Variants in VSIG10 observed in about 807,000 individuals in gnomAD.
VSIG10 encodes V-set and immunoglobulin domain-containing protein 10.
VSIG10 carries 48 observed loss-of-function variants against 58.7 expected under a neutral mutation model. That is an observed-to-expected ratio of 0.82 (90% CI 0.65 to 1.04). VSIG10 has a LOEUF of 1.04. VSIG10 is among the 50% of genes least tolerant of loss of function. The pLI is 0.00. For missense variants in VSIG10, 628 were observed against 670.0 expected (o/e 0.94, Z 0.69); for synonymous variants, 260 against 267.1 (o/e 0.97, Z 0.26).
intron 2 of VSIG10, among the ~76,000 whole-genome samples, chr12:118,085,246 A>T (rs1320348191): frequency 6.6e-6 from 1 of 152,178 alleles, no homozygotes; most frequent in Non-Finnish European, 1.5e-5. Flanking sequence ...CAGCCAGGAA[A>T]CATGGATCTT....
chr12:118,094,346 A>G (rs1411174564), intron 2 of VSIG10, among the ~76,000 whole-genome samples: 1 of 152,158 alleles, frequency 6.6e-6, no homozygotes, highest in Non-Finnish European at 1.5e-5. Context: ...ATAAAAGCTT[A>G]TTAATATGCC....
chr12:118,097,225 C>A (rs920478312), intron 1 of VSIG10, among the ~76,000 whole-genome samples: 3 of 152,168 alleles, frequency 2.0e-5, no homozygotes, highest in Non-Finnish European at 4.4e-5. Flanking sequence ...GAGGACTCAG[C>A]CATGAGCCCT....
chr12:118,086,223 GAGGCGGAGGC>G (rs1249087862), intron 2 of VSIG10, among the ~76,000 whole-genome samples: 2 of 151,968 alleles, frequency 1.3e-5, no homozygotes, highest in African/African-American at 4.8e-5. Flanking sequence ...AGCACTTTGG[GAGGCGGAGGC>G]AGGCGGATCA....
rs189082861 is a variant in VSIG10 at position 118,071,200 on chromosome 12, C to T, written c.1331-133G>A. On this transcript the variant is annotated intron_variant, in intron 6 of 8. Coordinates refer to ENST00000359236, the MANE Select transcript of VSIG10 (RefSeq NM_019086.6). ...CAATATGACAGGTGATAGGGTGTCC[C>T]GGGATGGTACTTAGGTGACTTATTA... 45 of 1,217,410 alleles carry T rather than the reference C, an allele frequency of 3.7e-5. No homozygotes were observed. The East Asian group carries it at 4.8e-4, about 13-fold the overall frequency. 75.4% of individuals were successfully genotyped at this position (1,217,410 alleles called of 1,614,324 possible).
At chr12:118,075,488 T>C (rs1449685736) in intron 4 of VSIG10, among the ~76,000 whole-genome samples, 1 of 152,142 alleles carries the variant, frequency 6.6e-6, no homozygotes, top group Non-Finnish European at 1.5e-5. Context: ...CCCAAGTAGC[T>C]GGGATTACAG....
At position 118,066,495 on chromosome 12, in the gene VSIG10, G is replaced by T; in HGVS notation, c.*144C>A. 1.3e-6 allele frequency: 1 copy of T among 781,200 alleles called. No homozygotes were observed. The highest frequency in any genetic ancestry group is 2.2e-6 in the Non-Finnish European group (1 of 446,164). 48.4% of individuals were successfully genotyped at this position (781,200 alleles called of 1,614,324 possible). A position where few individuals can be genotyped will look rare whatever the true frequency, so the allele number is the denominator to read the frequency against. ...CATGGAAGGAAAGATGTGTGTGCTTGGTTTTGTTTTTTGCTGAGACCCAAA... is the reference window on the plus strand; with the variant it reads ...CATGGAAGGAAAGATGTGTGTGCTTTGTTTTGTTTTTTGCTGAGACCCAAA... On this transcript the variant is annotated 3_prime_UTR_variant, in exon 9 of 9. Transcript: ENST00000359236.
At chr12:118,079,733 T>G in intron 3 of VSIG10, 127 bp from the exon 4 acceptor site, 1 of 1,296,278 alleles carries the variant, frequency 7.7e-7, no homozygotes, top group East Asian at 2.3e-5. Context: ...TAGCATCTAA[T>G]AGCTCCTAGC....
At chr12:118,094,737 A>T (rs918554001) in intron 2 of VSIG10, among the ~76,000 whole-genome samples, 12 of 132,904 alleles carry the variant, frequency 9.0e-5, no homozygotes, top group South Asian at 2.4e-4. Context: ...AGAAGCAATA[A>T]TTTTTTTTTT....
At chr12:118,099,131 G>A (rs1310596116) in intron 1 of VSIG10, among the ~76,000 whole-genome samples, 1 of 151,878 alleles carries the variant, frequency 6.6e-6, no homozygotes, top group Non-Finnish European at 1.5e-5. Flanking sequence ...GCTCAGGCCT[G>A]TAATCCCAGG....
intron 5 of VSIG10, among the ~76,000 whole-genome samples, chr12:118,071,787 G>C (rs1242568688): frequency 6.6e-6 from 1 of 152,222 alleles, no homozygotes; most frequent in Non-Finnish European, 1.5e-5. Context: ...AGTGATCAAC[G>C]GAACAGAACA....
intron 7 of VSIG10, 22 bp from the exon 8 acceptor site, chr12:118,068,619 T>C (rs1187245010): frequency 2.0e-6 from 3 of 1,512,284 alleles, no homozygotes; most frequent in Non-Finnish European, 2.7e-6. Context: ...AGGGGAAAAA[T>C]AATCAAGAAG....
chr12:118,082,471 G>C, intron 2 of VSIG10, 42 bp from the exon 3 acceptor site: 1 of 1,560,938 alleles, frequency 6.4e-7, no homozygotes, highest in Non-Finnish European at 8.7e-7. Context: ...AATTATGTAA[G>C]AGCTCATTCG....
At chr12:118,085,406 T>C (rs1566169461) in intron 2 of VSIG10, among the ~76,000 whole-genome samples, 2 of 152,206 alleles carry the variant, frequency 1.3e-5, no homozygotes, top group African/African-American at 2.4e-5. Context: ...GCTGGTTCCA[T>C]TGTTCCCCAA....
At chr12:118,099,280 GTTT>G (rs1190402526) in intron 1 of VSIG10, among the ~76,000 whole-genome samples, 1 of 143,930 alleles carries the variant, frequency 6.9e-6, no homozygotes. Flanking sequence ...GTAAAAAACT[GTTT>G]TTTTCTTTTT....
At chr12:118,080,681 T>C (rs1164886670) in intron 3 of VSIG10, among the ~76,000 whole-genome samples, 1 of 152,156 alleles carries the variant, frequency 6.6e-6, no homozygotes, top group East Asian at 1.9e-4. Context: ...GAACGGACTA[T>C]TATTCAGCCA....
At chr12:118,093,456 A>G (rs958064900) in intron 2 of VSIG10, among the ~76,000 whole-genome samples, 3 of 151,072 alleles carry the variant, frequency 2.0e-5, no homozygotes, top group East Asian at 2.0e-4. Flanking sequence ...TGATTCTCCC[A>G]CCTCAGCCTC....
intron 8 of VSIG10, among the ~76,000 whole-genome samples, chr12:118,067,721 C>A (rs1432532533): frequency 6.6e-6 from 1 of 152,136 alleles, no homozygotes; most frequent in Non-Finnish European, 1.5e-5. Flanking sequence ...CTCAGCCTCC[C>A]AAAATGCTGG....
intron 8 of VSIG10, among the ~76,000 whole-genome samples, chr12:118,067,172 A>T (rs569884622): frequency 6.6e-6 from 1 of 151,382 alleles, no homozygotes; most frequent in Non-Finnish European, 1.5e-5. Flanking sequence ...CTACAGGTAC[A>T]TGCCACACAC....
At chr12:118,096,434 T>G (rs974427824) in intron 1 of VSIG10, among the ~76,000 whole-genome samples, 3 of 150,780 alleles carry the variant, frequency 2.0e-5, no homozygotes, top group Non-Finnish European at 4.4e-5. Flanking sequence ...CAAAATCAGC[T>G]GGGCGTGGTA....
Sources: gnomAD v4.1 joint callset for allele counts (sites outside exome capture counted in the v4.1 genomes callset) on GRCh38, gnomAD v4.1.1 for gene constraint, MANE v1.5 for transcripts, NCBI Gene and HGNC (gene_info 2026-07-23, HGNC 2026-07-21) for gene names.